The following ETNK1 variants were observed in gnomAD, a reference collection of about 807,000 sequenced individuals.
ETNK1 encodes the protein putative protein product of Nbla10396.
In ETNK1, 8 loss-of-function variants were observed where a neutral mutation model predicts 45.1. The observed-to-expected ratio is 0.18, with a 90% confidence interval of 0.10 to 0.32. ETNK1 has a LOEUF of 0.32. Among genes scored for constraint, ETNK1 ranks in the 10% least tolerant of loss-of-function variants. The probability of loss-of-function intolerance (pLI) is 1.00; values close to 1 mark genes in which losing one functional copy is unlikely to be tolerated. For missense variants in ETNK1, 302 were observed against 430.6 expected (o/e 0.70, Z 2.64); for synonymous variants, 152 against 151.9 (o/e 1.00, Z -0.01).
At chr12:22,677,091 G>T (rs376423024) in intron 6 of ETNK1, among the ~76,000 whole-genome samples, 2 of 152,066 alleles carry the variant, frequency 1.3e-5, no homozygotes, top group African/African-American at 4.8e-5. Context: ...GCCCATGCCT[G>T]TGTCCTGAAT....
chr12:22,684,679 T>G, intron 7 of ETNK1, 123 bp downstream of exon 7: 1 of 790,672 alleles, frequency 1.3e-6, no homozygotes. Context: ...CACTTAGTAA[T>G]TGGTCTGTGA....
chr12:22,659,684 T>C (rs1953979705), intron 3 of ETNK1, among the ~76,000 whole-genome samples: 2 of 152,204 alleles, frequency 1.3e-5, no homozygotes, highest in Admixed American at 6.5e-5. Context: ...AGATAGTATA[T>C]GTAAAGTTCT....
At chr12:22,649,495 A>G (rs899923450) in intron 2 of ETNK1, among the ~76,000 whole-genome samples, 1 of 151,970 alleles carries the variant, frequency 6.6e-6, no homozygotes, top group African/African-American at 2.4e-5. Context: ...TATATTTCCT[A>G]TGCTCCTTTT....
At chr12:22,627,899 A>G (rs1592107906) in intron 1 of ETNK1, among the ~76,000 whole-genome samples, 2 of 152,234 alleles carry the variant, frequency 1.3e-5, no homozygotes, top group East Asian at 3.9e-4. Flanking sequence ...AAAAGAAAAA[A>G]ACAAGCTAAA....
intron 6 of ETNK1, among the ~76,000 whole-genome samples, chr12:22,678,924 C>T (rs1355077272): frequency 6.6e-6 from 1 of 152,184 alleles, no homozygotes; most frequent in Non-Finnish European, 1.5e-5. Context: ...TTTTGAAGTC[C>T]ACTAGTTAAG....
rs1442531282 is a variant in ETNK1 at position 22,642,112 on chromosome 12, C to G, written c.157-1651C>G. Among the ~76,000 whole-genome samples the G allele has an allele frequency of 2.0e-5, 3 of 152,060 alleles. 1 individual carries two copies. Among genetic ancestry groups the G allele is most frequent in the Admixed American group, 2.0e-4 (3 of 15,264 alleles). On this transcript the variant is annotated intron_variant, in intron 1 of 7. Coordinates refer to ENST00000266517, the MANE Select transcript of ETNK1 (RefSeq NM_018638.5). ...TTAAGTATTAAGTACCTACTGTTTG[C>G]TGTGAAGATTCAGAAAATGGAGATG...
chr12:22,657,031 G>A (rs1450721187), intron 2 of ETNK1, among the ~76,000 whole-genome samples: 1 of 152,104 alleles, frequency 6.6e-6, no homozygotes, highest in Non-Finnish European at 1.5e-5. Context: ...GCGTGTACAT[G>A]CATGCATTTG....
At position 22,625,202 on chromosome 12, in the gene ETNK1, G is replaced by C; in HGVS notation, c.-229G>C. 2 of 1,609,724 alleles carry C rather than the reference G, an allele frequency of 1.2e-6. No individual in the cohort carries two copies. The highest frequency in any genetic ancestry group is 1.7e-6 in the Non-Finnish European group (2 of 1,178,080). On this transcript the variant is annotated 5_prime_UTR_variant, in exon 1 of 8. Transcript: ENST00000266517. ...GCCCGCGGTCCAGCTCCGACAACAG[G>C]AATTTTCTCCGAGAGCGGGCCGGGC...
chr12:22,650,537 T>C (rs1366776900), intron 2 of ETNK1, among the ~76,000 whole-genome samples: 1 of 152,030 alleles, frequency 6.6e-6, no homozygotes, highest in African/African-American at 2.4e-5. Flanking sequence ...GATAGGTTCA[T>C]GTGATTTTTC....
chr12:22,679,320 G>T (rs150478947), intron 6 of ETNK1, among the ~76,000 whole-genome samples: 1,557 of 152,314 alleles, frequency 0.01, 11 homozygotes, highest in Non-Finnish European at 0.017. Flanking sequence ...AAGTCCAAGG[G>T]CAGGAGGAAG....
intron 6 of ETNK1, 52 bp downstream of exon 6, chr12:22,673,712 G>C: frequency 2.7e-6 from 4 of 1,477,628 alleles, no homozygotes; most frequent in Non-Finnish European, 3.7e-6. Context: ...AATTGAAAAT[G>C]CTTCTAAATT....
intron 1 of ETNK1, 37 bp downstream of exon 1, chr12:22,625,623 C>T (rs1206711743): frequency 5.9e-6 from 9 of 1,531,392 alleles, no homozygotes; most frequent in South Asian, 4.9e-5. Context: ...CTCTTATGCC[C>T]CTCACGCGGC....
chr12:22,666,435 T>C, intron 4 of ETNK1, among the ~76,000 whole-genome samples: 1 of 152,174 alleles, frequency 6.6e-6, no homozygotes, highest in African/African-American at 2.4e-5. Flanking sequence ...ATATTGCCTA[T>C]GACTAACTTC....
Position 22,625,593 on chromosome 12 carries a change from C to G in ETNK1, c.156+7C>G. The G allele has an allele frequency of 2.5e-6, 4 of 1,575,210 alleles. No individual in the cohort carries two copies. Among genetic ancestry groups the G allele is most frequent in the Non-Finnish European group, 3.4e-6 (4 of 1,161,618 alleles). On this transcript the variant is annotated splice_region_variant and intron_variant, in intron 1 of 7. Coordinates refer to ENST00000266517, the MANE Select transcript of ETNK1 (RefSeq NM_018638.5). ...CCAGGAGGTGACCCTGCAGGTAACG[C>G]CCACACCTCAGCTCTGGGTCTCTTA...
intron 4 of ETNK1, among the ~76,000 whole-genome samples, chr12:22,662,349 A>G (rs1270841426): frequency 6.7e-6 from 1 of 149,122 alleles, no homozygotes; most frequent in Non-Finnish European, 1.5e-5. Flanking sequence ...CGGCCTCCCA[A>G]AGCGCTGGGA....
At chr12:22,671,224 G>T in intron 4 of ETNK1, 48 bp from the exon 5 acceptor site, 1 of 1,280,556 alleles carries the variant, frequency 7.8e-7, no homozygotes, top group Non-Finnish European at 1.1e-6. Context: ...GGGATTTTCT[G>T]ATCTTATATG....
chr12:22,662,389 TTCC>T (rs201686833), intron 4 of ETNK1, among the ~76,000 whole-genome samples: 5,188 of 127,944 alleles, frequency 0.041, 308 homozygotes, highest in African/African-American at 0.14. Flanking sequence ...AGCCTGGCCT[TTCC>T]TTTTTTTTTT....
chr12:22,627,162 T>A (rs1953513102), intron 1 of ETNK1, among the ~76,000 whole-genome samples: 1 of 148,960 alleles, frequency 6.7e-6, no homozygotes, highest in Non-Finnish European at 1.5e-5. Flanking sequence ...TTTTTTTTTA[T>A]CTTAGTCGCC....
At chr12:22,665,059 C>A (rs909036636) in intron 4 of ETNK1, among the ~76,000 whole-genome samples, 1 of 152,020 alleles carries the variant, frequency 6.6e-6, no homozygotes, top group South Asian at 2.1e-4. Flanking sequence ...CTCTTAAAAG[C>A]AGATATATTT....
Sources: gnomAD v4.1 joint callset for allele counts (sites outside exome capture counted in the v4.1 genomes callset) on GRCh38, gnomAD v4.1.1 for gene constraint, MANE v1.5 for transcripts, NCBI Gene and HGNC (gene_info 2026-07-23, HGNC 2026-07-21) for gene names.